KATNIP: variants seen among roughly 807,000 people sequenced by gnomAD.
KATNIP encodes katanin interacting protein.
KATNIP carries 126 observed loss-of-function variants against 174.0 expected under a neutral mutation model. The observed-to-expected ratio is 0.72, with a 90% CI of 0.63 to 0.84. The LOEUF (loss-of-function observed/expected upper bound fraction) is 0.84. Among genes scored for constraint, KATNIP ranks in the 40% least tolerant of loss-of-function variants. The pLI, the probability that KATNIP is intolerant of heterozygous loss-of-function variation, is 0.00. For synonymous variants in KATNIP, 810 were observed against 835.7 expected (o/e 0.97, Z 0.53); for missense variants, 1,958 against 2,109.7 (o/e 0.93, Z 1.41).
Position 27,749,844 on chromosome 16 carries a change from G to T in KATNIP, c.2884G>T (p.Ala962Ser), listed in dbSNP as rs749729955. The T allele has an allele frequency of 2.5e-6, 4 of 1,613,984 alleles. No individual in the cohort carries two copies. Among genetic ancestry groups the T allele is most frequent in the South Asian group, 2.2e-5 (2 of 91,070 alleles). The change falls in exon 16 of 28, where the codon GCT becomes TCT. Residue 962 changes from alanine to serine, a missense_variant. This residue lies in a region of KATNIP where 1,557 missense variants were observed against 1,617.8 expected (regional missense o/e 0.96). Transcript: ENST00000261588. ...GQDGYSGETD[A>S]GGDFKIPVLP... ...GGATGGCTACTCTGGAGAGACAGAC[G>T]CTGGGGGTGACTTTAAAATCCCCGT... is the stretch of plus-strand genomic sequence containing the variant.
chr16:27,721,615 T>G lies in KATNIP; in HGVS notation c.1663T>G (p.Phe555Val). The change falls in exon 14 of 28, where the codon TTT becomes GTT. Residue 555 changes from phenylalanine to valine, a missense_variant. Physicochemically the swap from Phe to Val is conservative, Grantham distance 50 (BLOSUM62 -1). This residue lies in a region of KATNIP where 1,557 missense variants were observed against 1,617.8 expected (regional missense o/e 0.96). Transcript: ENST00000261588. Reference protein sequence around the residue: ...CPFHPPLQLFFVIRNTRQLGD... With the variant: ...CPFHPPLQLFVVIRNTRQLGD... ...CTTCCACCCACCACTCCAGCTGTTT[T>G]TTGTTATTCGAAACACAAGACAGCT... 6.2e-7 allele frequency: 1 copy of G among 1,614,220 alleles called. No homozygotes were observed. The highest frequency in any genetic ancestry group is 8.5e-7 in the Non-Finnish European group (1 of 1,180,040).
At chr16:27,718,005 A>G (rs534421236) in intron 13 of KATNIP, among the ~76,000 whole-genome samples, 15 of 152,146 alleles carry the variant, frequency 9.9e-5, no homozygotes, top group African/African-American at 3.4e-4. Flanking sequence ...GCCTTGTCTC[A>G]CTTCTTCACT....
chr16:27,751,701 A>G lies in KATNIP; in HGVS notation c.3347-18A>G, dbSNP rs972107509. 4 of 1,613,188 alleles carry G rather than the reference A, an allele frequency of 2.5e-6. No homozygotes were observed. The African/African-American group carries it at 4.0e-5, about 16-fold the overall frequency. On this transcript the variant is annotated intron_variant, in intron 16 of 27. Transcript: ENST00000261588. Reference sequence around the variant, plus strand: ...TGTGAAGTGAGTTGACCTTTCTGTCATCTTGATAACCCATTAGCCCCAGAG... The same window carrying G: ...TGTGAAGTGAGTTGACCTTTCTGTCGTCTTGATAACCCATTAGCCCCAGAG...
chr16:27,739,213 G>A (rs1387652553), intron 14 of KATNIP, among the ~76,000 whole-genome samples: 1 of 152,082 alleles, frequency 6.6e-6, no homozygotes, highest in Non-Finnish European at 1.5e-5. Flanking sequence ...GAGAGGCGAG[G>A]GACAGCTGGC....
chr16:27,551,071 G>C (rs1434372191), intron 1 of KATNIP, among the ~76,000 whole-genome samples: 1 of 152,226 alleles, frequency 6.6e-6, no homozygotes, highest in African/African-American at 2.4e-5. Flanking sequence ...GAAGGCCAGA[G>C]ACAGCTTGTG....
chr16:27,550,745 A>G (rs2089319379), intron 1 of KATNIP, among the ~76,000 whole-genome samples: 1 of 152,156 alleles, frequency 6.6e-6, no homozygotes, highest in African/African-American at 2.4e-5. Context: ...GTTCCATTTT[A>G]CAGATGATGA....
At chr16:27,623,966 C>T (rs1048831148) in intron 3 of KATNIP, among the ~76,000 whole-genome samples, 1 of 152,082 alleles carries the variant, frequency 6.6e-6, no homozygotes, top group African/African-American at 2.4e-5. Flanking sequence ...AGTCCCTAAA[C>T]CTCCCTGGGG....
intron 19 of KATNIP, among the ~76,000 whole-genome samples, chr16:27,764,706 C>T (rs1017005844): frequency 3.3e-5 from 5 of 152,170 alleles, no homozygotes; most frequent in African/African-American, 1.2e-4. Flanking sequence ...ACAAATGCTC[C>T]AGCAGTTCTC....
intron 9 of KATNIP, among the ~76,000 whole-genome samples, chr16:27,698,753 A>G (rs1165390597): frequency 2.6e-5 from 4 of 152,084 alleles, no homozygotes; most frequent in African/African-American, 7.2e-5. Flanking sequence ...CCTCATCCTC[A>G]CTGATTTCCC....
At position 27,773,162 on chromosome 16, in the gene KATNIP, TG is replaced by T; in HGVS notation, c.4264del (p.Glu1422SerfsTer24). On this transcript the variant is annotated frameshift_variant, in exon 23 of 28. Transcript: ENST00000261588. LOFTEE classifies it high-confidence loss of function. ...CCCTACTACATCGGCCTCACCGGCC[TG>T]GAGCTGTATGACGAGCGAGGAGAAA... ...GDPYYIGLTGLELYDERGEKI... is the reference protein window; with the variant it reads ...GDPYYIGLTGXELYDERGEKI... 2 of 1,612,600 alleles carry T rather than the reference TG, an allele frequency of 1.2e-6. No individual in the cohort carries two copies. The highest frequency in any genetic ancestry group is 1.1e-5 in the South Asian group (1 of 90,612).
At chr16:27,608,233 T>C (rs2075772136) in intron 2 of KATNIP, among the ~76,000 whole-genome samples, 1 of 143,350 alleles carries the variant, frequency 7.0e-6, no homozygotes, top group Non-Finnish European at 1.5e-5. Flanking sequence ...ATTCTTTTTT[T>C]TTTTTTTTTT....
chr16:27,691,449 A>G (rs12929432), intron 8 of KATNIP, among the ~76,000 whole-genome samples: 33,356 of 152,200 alleles, frequency 0.22, 4,512 homozygotes, highest in African/African-American at 0.39. Flanking sequence ...TAGATCCACC[A>G]TCCTCTAGGT....
chr16:27,678,475 T>G (rs569061670), intron 7 of KATNIP, among the ~76,000 whole-genome samples: 79 of 152,170 alleles, frequency 5.2e-4, no homozygotes, highest in African/African-American at 1.8e-3. Context: ...TCCCTCTCCC[T>G]CTTGCTCTCC....
intron 2 of KATNIP, among the ~76,000 whole-genome samples, chr16:27,587,556 C>T (rs1056070416): frequency 1.3e-5 from 2 of 152,192 alleles, no homozygotes; most frequent in African/African-American, 4.8e-5. Flanking sequence ...TCCCAATAAA[C>T]CCATCCTAAG....
At chr16:27,613,113 A>G (rs1365497686) in intron 2 of KATNIP, among the ~76,000 whole-genome samples, 1 of 150,646 alleles carries the variant, frequency 6.6e-6, no homozygotes, top group Non-Finnish European at 1.5e-5. Flanking sequence ...ACAAAAAAAG[A>G]AAAAAGAAAA....
chr16:27,719,475 C>A (rs1326564657), intron 13 of KATNIP, among the ~76,000 whole-genome samples: 1 of 151,954 alleles, frequency 6.6e-6, no homozygotes, highest in Non-Finnish European at 1.5e-5. Flanking sequence ...TGGGTTCAAG[C>A]GATTCTCCTG....
At chr16:27,775,485 A>G (rs539575935) in intron 24 of KATNIP, among the ~76,000 whole-genome samples, 14 of 152,092 alleles carry the variant, frequency 9.2e-5, no homozygotes, top group African/African-American at 3.4e-4. Context: ...GCCCCTTCCT[A>G]CATCACCAGG....
chr16:27,659,694 T>G (rs2077408471), intron 6 of KATNIP, among the ~76,000 whole-genome samples: 1 of 152,074 alleles, frequency 6.6e-6, no homozygotes, highest in African/African-American at 2.4e-5. Flanking sequence ...AATAGAGGCA[T>G]GTAGGAGAGG....
At chr16:27,636,997 CT>C (rs1485755974) in intron 5 of KATNIP, among the ~76,000 whole-genome samples, 5 of 152,260 alleles carry the variant, frequency 3.3e-5, no homozygotes, top group African/African-American at 1.2e-4. Context: ...GCTCCGCCTC[CT>C]GCCAGCTGCA....
Sources: allele counts gnomAD v4.1 joint callset (sites outside exome capture counted in the v4.1 genomes callset), GRCh38; gene constraint gnomAD v4.1.1; regional missense constraint gnomAD v4.1.1; transcripts MANE v1.5; gene names NCBI Gene and HGNC (gene_info 2026-07-23, HGNC 2026-07-21).